The following UBE2W variants were observed in gnomAD, a reference collection of about 807,000 sequenced individuals.
The protein encoded by UBE2W is ubiquitin conjugating enzyme E2 W.
In UBE2W, 18 loss-of-function variants were observed where a neutral mutation model predicts 27.2. The ratio of observed to expected loss-of-function variants is 0.66; its 90% CI spans 0.46 to 0.98. The LOEUF (loss-of-function observed/expected upper bound fraction) is 0.98, where lower values mean the gene tolerates loss of function less well. Ranked by LOEUF, UBE2W falls within the 50% of genes least tolerant of loss-of-function variation. The pLI is 0.00. For missense variants in UBE2W, 90 were observed against 180.2 expected (o/e 0.50, Z 2.87); for synonymous variants, 53 against 57.2 (o/e 0.93, Z 0.33).
chr8:73,841,782 A>G (rs1810546632), intron 1 of UBE2W, among the ~76,000 whole-genome samples: 1 of 152,232 alleles, frequency 6.6e-6, no homozygotes, highest in African/African-American at 2.4e-5. Context: ...GGAGATTTCA[A>G]ACAAATCCAA....
downstream of UBE2W, chr8:73,786,127 G>A (rs939856198): frequency 1.3e-6 from 1 of 751,878 alleles, no homozygotes; most frequent in Non-Finnish European, 1.6e-6. Flanking sequence ...TGGTTCCTGA[G>A]ATGTATTTAG....
intron 4 of UBE2W, among the ~76,000 whole-genome samples, chr8:73,809,902 AT>A (rs113678920): frequency 0.053 from 8,046 of 151,934 alleles, 688 homozygotes; most frequent in African/African-American, 0.18. Flanking sequence ...TAATTAAGTG[AT>A]TTTTTTTCTT....
chr8:73,878,754 T>C (rs1364342378), intron 1 of UBE2W, 54 bp downstream of exon 1: 10 of 1,474,296 alleles, frequency 6.8e-6, no homozygotes, highest in Non-Finnish European at 9.3e-6. Flanking sequence ...GCCCGAACGC[T>C]GGCACTCTCT....
At chr8:73,812,160 T>A (rs916657201) in intron 3 of UBE2W, among the ~76,000 whole-genome samples, 1 of 151,212 alleles carries the variant, frequency 6.6e-6, no homozygotes, top group Non-Finnish European at 1.5e-5. Context: ...CGATTTTCCA[T>A]ACTTGCATCT....
intron 1 of UBE2W, among the ~76,000 whole-genome samples, chr8:73,845,718 T>A (rs1339901038): frequency 3.3e-5 from 5 of 149,254 alleles, no homozygotes; most frequent in African/African-American, 7.5e-5. Context: ...ACTAAAAAAA[T>A]TTAAAAAAAA....
intron 3 of UBE2W, among the ~76,000 whole-genome samples, chr8:73,822,992 T>G (rs897969239): frequency 1.3e-5 from 2 of 152,108 alleles, no homozygotes; most frequent in African/African-American, 4.8e-5. Flanking sequence ...TGTGTTAAAT[T>G]TGAGATGTCT....
chr8:73,858,879 CGTGTGT>C (rs5892434), intron 1 of UBE2W, among the ~76,000 whole-genome samples: 50 of 141,800 alleles, frequency 3.5e-4, no homozygotes, highest in East Asian at 8.5e-4. Flanking sequence ...TTTTTGCGTG[CGTGTGT>C]GTGTGTGTGT....
chr8:73,846,553 G>C (rs750444617), intron 1 of UBE2W, among the ~76,000 whole-genome samples: 3 of 152,106 alleles, frequency 2.0e-5, no homozygotes, highest in Non-Finnish European at 4.4e-5. Context: ...AGGATTTTTA[G>C]GAATACTGCA....
Position 73,851,194 on chromosome 8 carries a change from C to CTTT in UBE2W, c.16-20725_16-20723dup, listed in dbSNP as rs71561537. Among the ~76,000 whole-genome samples the CTTT allele has an allele frequency of 1.1e-3, 161 of 146,594 alleles. 1 individual carries two copies. The highest frequency in any genetic ancestry group is 3.7e-3 in the African/African-American group (148 of 40,120). ...TTCTTCTGTATGCATGTTTCATTAT[C>CTTT]TTTTTTTTTTTTTGACACTCTTAAA... On this transcript the variant is annotated intron_variant, in intron 1 of 5. Transcript: ENST00000602593.
rs867590007 is a variant in UBE2W, at chr8:73,805,270, A to G, written c.442+381T>C. ...GGAGTTCAAGACCAGACTCATCAAC[A>G]CACAGAAACCCCATCTCTACTAAAA... On this transcript the variant is annotated intron_variant, in intron 5 of 5. Coordinates refer to ENST00000602593, the MANE Select transcript of UBE2W (RefSeq NM_018299.6). 1.1e-4 allele frequency among the ~76,000 whole-genome samples: 17 copies of G among 150,382 alleles called. 1 individual carries two copies. In the South Asian group the frequency reaches 2.8e-3, roughly 24 times the overall value.
intron 1 of UBE2W, among the ~76,000 whole-genome samples, chr8:73,873,548 T>G (rs1812094533): frequency 6.6e-6 from 1 of 151,976 alleles, no homozygotes; most frequent in Non-Finnish European, 1.5e-5. Context: ...CCCAGCTGCT[T>G]GGGAGTCTGA....
Position 73,791,515 on chromosome 8 carries a change from C to T in UBE2W, c.*2587G>A, listed in dbSNP as rs1306777550. The T allele has an allele frequency of 1.0e-6, 1 of 985,266 alleles. No individual in the cohort carries two copies. Among genetic ancestry groups the T allele is most frequent in the Non-Finnish European group, 1.2e-6 (1 of 829,810 alleles). The allele number at this position is 985,266 out of a possible 1,614,324, so 61.0% of individuals were successfully genotyped here. A position where few individuals can be genotyped will look rare whatever the true frequency, so the allele number is the denominator to read the frequency against. ...GAGGCAAGTAGCATATTCCTATATACATTTTCTTGATATTCTGGTTGTCTT... is the reference window on the plus strand; with the variant it reads ...GAGGCAAGTAGCATATTCCTATATATATTTTCTTGATATTCTGGTTGTCTT... On this transcript the variant is annotated 3_prime_UTR_variant, in exon 6 of 6. Coordinates refer to ENST00000602593, the MANE Select transcript of UBE2W (RefSeq NM_018299.6).
At chr8:73,805,940 G>C (rs1395751329) in intron 4 of UBE2W, among the ~76,000 whole-genome samples, 2 of 152,122 alleles carry the variant, frequency 1.3e-5, no homozygotes, top group Non-Finnish European at 2.9e-5. Flanking sequence ...GTTTGAGTGT[G>C]GTCTGTGTTA....
chr8:73,868,082 A>G, intron 1 of UBE2W, among the ~76,000 whole-genome samples: 1 of 152,220 alleles, frequency 6.6e-6, no homozygotes, highest in South Asian at 2.1e-4. Context: ...TTTATATGTT[A>G]ATACCATGAC....
intron 4 of UBE2W, among the ~76,000 whole-genome samples, chr8:73,810,026 C>T (rs1809087757): frequency 6.6e-6 from 1 of 152,058 alleles, no homozygotes; most frequent in African/African-American, 2.4e-5. Flanking sequence ...CTCCTTCAAC[C>T]TAATCATTAG....
Position 73,792,023 on chromosome 8 carries a change from G to GT in UBE2W, c.*2078dup, listed in dbSNP as rs1808224320. On this transcript the variant is annotated 3_prime_UTR_variant, in exon 6 of 6. Transcript: ENST00000602593. ...GTCATTTCTTTATAAAAGCATTTTG[G>GT]TAAGAGAACCAGCAATATGGAGACA... is the stretch of plus-strand genomic sequence containing the variant. 3 of 985,076 alleles carry GT rather than the reference G, an allele frequency of 3.0e-6. No individual in the cohort carries two copies. In the African/African-American group the frequency reaches 5.2e-5, roughly 17 times the overall value. 61.0% of individuals were successfully genotyped at this position (985,076 alleles called of 1,614,324 possible).
downstream of UBE2W, chr8:73,786,130 G>C: frequency 5.2e-6 from 4 of 770,300 alleles, no homozygotes; most frequent in Non-Finnish European, 6.3e-6. Flanking sequence ...TTCCTGAGAT[G>C]TATTTAGTTT....
intron 1 of UBE2W, among the ~76,000 whole-genome samples, chr8:73,849,870 T>C (rs952401775): frequency 1.1e-4 from 17 of 152,236 alleles, no homozygotes; most frequent in African/African-American, 3.9e-4. Context: ...AAAGCTGGCA[T>C]TGCTATGTTA....
intron 4 of UBE2W, among the ~76,000 whole-genome samples, chr8:73,810,046 G>C (rs986651991): frequency 1.3e-5 from 2 of 152,132 alleles, no homozygotes; most frequent in Non-Finnish European, 2.9e-5. Flanking sequence ...GGACAGGGAA[G>C]CTCTGGTTCC....
Sources: gnomAD v4.1 joint callset for allele counts (sites outside exome capture counted in the v4.1 genomes callset) on GRCh38, gnomAD v4.1.1 for gene constraint, MANE v1.5 for transcripts, NCBI Gene and HGNC (gene_info 2026-07-23, HGNC 2026-07-21) for gene names.